The following HSCB variants were observed in gnomAD, a reference collection of about 807,000 sequenced individuals.
The protein encoded by HSCB is iron-sulfur cluster co-chaperone protein HscB.
HSCB carries 23 observed loss-of-function variants against 31.3 expected under a neutral mutation model. The observed-to-expected ratio is 0.74, with a 90% confidence interval of 0.53 to 1.04. The LOEUF (loss-of-function observed/expected upper bound fraction) is 1.04. Ranked by LOEUF, HSCB falls within the 50% of genes least tolerant of loss-of-function variation. The probability of loss-of-function intolerance (pLI) is 0.00; values close to 1 mark genes in which losing one functional copy is unlikely to be tolerated. For synonymous variants in HSCB, 110 were observed against 104.5 expected (o/e 1.05, Z -0.32); for missense variants, 297 against 288.1 (o/e 1.03, Z -0.22).
intron 1 of HSCB, 146 bp from the exon 2 acceptor site, chr22:28,743,736 C>T: frequency 1.5e-6 from 1 of 651,682 alleles, no homozygotes; most frequent in Non-Finnish European, 2.8e-6. Flanking sequence ...TGACTCTGTT[C>T]TGTGTCCCTT....
At chr22:28,750,608 A>T (rs1030714692) in intron 4 of HSCB, among the ~76,000 whole-genome samples, 2 of 152,192 alleles carry the variant, frequency 1.3e-5, no homozygotes, top group Non-Finnish European at 2.9e-5. Context: ...CCTTACGGAT[A>T]TAATGTATTT....
At chr22:28,749,643 A>G (rs905942823) in intron 4 of HSCB, among the ~76,000 whole-genome samples, 10 of 152,194 alleles carry the variant, frequency 6.6e-5, no homozygotes, top group African/African-American at 2.4e-4. Flanking sequence ...AACAGTAATG[A>G]GAAAAGATGT....
At chr22:28,755,925 A>T (rs564074971) in intron 5 of HSCB, among the ~76,000 whole-genome samples, 2 of 152,234 alleles carry the variant, frequency 1.3e-5, no homozygotes, top group South Asian at 4.1e-4. Context: ...AGATGTCCCC[A>T]TGGGGGCAAA....
chr22:28,748,091 G>A (rs572353957), intron 4 of HSCB, among the ~76,000 whole-genome samples: 3 of 152,226 alleles, frequency 2.0e-5, no homozygotes, highest in South Asian at 4.2e-4. Context: ...AGGCTGAGGC[G>A]GGAGAATCGC....
intron 5 of HSCB, among the ~76,000 whole-genome samples, chr22:28,756,264 A>T (rs967826707): frequency 3.3e-5 from 5 of 150,966 alleles, no homozygotes; most frequent in African/African-American, 1.2e-4. Flanking sequence ...AAAAAAAAAA[A>T]GGAAAATCAC....
chr22:28,746,046 G>T, intron 4 of HSCB, 38 bp downstream of exon 4: 1 of 1,571,334 alleles, frequency 6.4e-7, no homozygotes, highest in South Asian at 1.1e-5. Context: ...TTTCATTGCT[G>T]TTATGAACAC....
chr22:28,742,085 C>T lies in HSCB; in HGVS notation c.-11C>T. Reference sequence around the variant, plus strand: ...CCACGAGTGACCACGGCTAGATAGGCCGCCGGCCAGATGTGGCGGGGGAGA... The same window carrying T: ...CCACGAGTGACCACGGCTAGATAGGTCGCCGGCCAGATGTGGCGGGGGAGA... On this transcript the variant is annotated 5_prime_UTR_variant, in exon 1 of 6. Transcript: ENST00000216027. 6.2e-7 allele frequency: 1 copy of T among 1,602,096 alleles called. No individual in the cohort carries two copies. The highest frequency in any genetic ancestry group is 8.5e-7 in the Non-Finnish European group (1 of 1,175,232).
Position 28,743,977 on chromosome 22 carries a change from A to G in HSCB, c.332A>G (p.Gln111Arg). 2 of 1,612,364 alleles carry G rather than the reference A, an allele frequency of 1.2e-6. No homozygotes were observed. Among genetic ancestry groups the G allele is most frequent in the Non-Finnish European group, 1.7e-6 (2 of 1,178,386 alleles). ...VHPDFFSQRS[Q>R]TEKDFSEKHS... ...CCAGATTTCTTCAGCCAGAGGTCTC[A>G]GGTAGCTTATTGGCCAACCCCAATA... Residue 111 changes from glutamine (Q) to arginine (R), a missense_variant and splice_region_variant, in exon 2 of 6, where the codon CAG becomes CGG. Gln to Arg is a conservative substitution (Grantham distance 43). Transcript: ENST00000216027.
At chr22:28,750,863 G>A (rs1264592858) in intron 4 of HSCB, among the ~76,000 whole-genome samples, 1 of 149,592 alleles carries the variant, frequency 6.7e-6, no homozygotes, top group Non-Finnish European at 1.5e-5. Flanking sequence ...ACTGATAGGT[G>A]TTCCCAGCAT....
At chr22:28,751,313 A>G (rs1375462042) in intron 5 of HSCB, 25 bp downstream of exon 5, 4 of 1,468,672 alleles carry the variant, frequency 2.7e-6, no homozygotes, top group East Asian at 4.6e-5. Flanking sequence ...TCACTTTCTT[A>G]AATATGGAAA....
rs1192822129 is a variant in HSCB at position 28,742,362 on chromosome 22, G to A, written c.236+31G>A. 3.7e-6 allele frequency: 6 copies of A among 1,605,564 alleles called. 1 individual carries two copies. The South Asian group carries it at 4.4e-5, about 12-fold the overall frequency. On this transcript the variant is annotated intron_variant, in intron 1 of 5. Coordinates refer to ENST00000216027, the MANE Select transcript of HSCB (RefSeq NM_172002.5). ...AGCGACGGTTTCGGGAAACGGGCCCGGGCGAGAGACACGTCGAGGTCTGGC... is the reference window on the plus strand; with the variant it reads ...AGCGACGGTTTCGGGAAACGGGCCCAGGCGAGAGACACGTCGAGGTCTGGC...
chr22:28,748,518 T>C (rs2029988752), intron 4 of HSCB, among the ~76,000 whole-genome samples: 1 of 151,900 alleles, frequency 6.6e-6, no homozygotes, highest in Non-Finnish European at 1.5e-5. Flanking sequence ...TTTTGTTGTT[T>C]TGTTTTGTTT....
At chr22:28,751,073 AGC>A (rs2030211749) in intron 4 of HSCB, among the ~76,000 whole-genome samples, 166 bp from the exon 5 acceptor site, 1 of 151,024 alleles carries the variant, frequency 6.6e-6, no homozygotes, top group Non-Finnish European at 1.5e-5. Flanking sequence ...GCTAAACAGC[AGC>A]TGCCATCATG....
At chr22:28,752,807 G>A (rs913482996) in intron 5 of HSCB, among the ~76,000 whole-genome samples, 15 of 151,792 alleles carry the variant, frequency 9.9e-5, no homozygotes, top group Non-Finnish European at 1.8e-4. Flanking sequence ...TTGGCTAGGC[G>A]TGGTGGCTCA....
chr22:28,749,127 C>CA (rs2030045041), intron 4 of HSCB, among the ~76,000 whole-genome samples: 4 of 146,022 alleles, frequency 2.7e-5, no homozygotes, highest in African/African-American at 5.1e-5. Flanking sequence ...AGCAACAGAG[C>CA]GAAAACACGT....
intron 5 of HSCB, among the ~76,000 whole-genome samples, chr22:28,756,751 C>A (rs1298911790): frequency 6.6e-6 from 1 of 152,088 alleles, no homozygotes; most frequent in East Asian, 1.9e-4. Context: ...GCCTCAGCCT[C>A]CCAAAATGCT....
At chr22:28,745,760 C>T (rs895446348) in intron 3 of HSCB, 104 bp from the exon 4 acceptor site, 16 of 906,994 alleles carry the variant, frequency 1.8e-5, no homozygotes, top group Non-Finnish European at 2.5e-5. Context: ...GGGACAGTTG[C>T]AGTTTTCTCT....
chr22:28,746,907 A>G (rs1160573097), intron 4 of HSCB, among the ~76,000 whole-genome samples: 2 of 151,720 alleles, frequency 1.3e-5, no homozygotes. Context: ...TCAAAAAAAA[A>G]AAAAAAATCA....
At chr22:28,744,318 G>A (rs7511528) in intron 2 of HSCB, among the ~76,000 whole-genome samples, 5 of 152,318 alleles carry the variant, frequency 3.3e-5, no homozygotes, top group East Asian at 3.9e-4. Context: ...TTGGGAGGCC[G>A]AGGCAGGCAG....
Sources: allele counts gnomAD v4.1 joint callset (sites outside exome capture counted in the v4.1 genomes callset), GRCh38; gene constraint gnomAD v4.1.1; transcripts MANE v1.5; gene names NCBI Gene and HGNC (gene_info 2026-07-23, HGNC 2026-07-21).